The following SEPTIN11 variants were observed in gnomAD, a reference collection of about 807,000 sequenced individuals.
SEPTIN11 encodes septin-11.
SEPTIN11 carries 25 observed loss-of-function variants against 51.4 expected under a neutral mutation model. That is an observed-to-expected ratio of 0.49 (90% confidence interval 0.35 to 0.68). The LOEUF (loss-of-function observed/expected upper bound fraction) is 0.68. Among genes scored for constraint, SEPTIN11 ranks in the 30% least tolerant of loss-of-function variants. The pLI, the probability that SEPTIN11 is intolerant of heterozygous loss-of-function variation, is 0.00. For synonymous variants in SEPTIN11, 174 were observed against 184.1 expected (o/e 0.95, Z 0.44); for missense variants, 381 against 520.8 (o/e 0.73, Z 2.61).
intron 1 of SEPTIN11, among the ~76,000 whole-genome samples, chr4:76,954,849 T>G (rs1198722134): frequency 6.6e-6 from 1 of 152,106 alleles, no homozygotes; most frequent in Admixed American, 6.6e-5. Flanking sequence ...GGATGGAGTG[T>G]GAAACATTGA....
chr4:77,038,180 A>G lies in SEPTIN11; in HGVS notation c.*3668A>G, dbSNP rs1394780083. 48 of 985,766 alleles carry G rather than the reference A, an allele frequency of 4.9e-5. No individual in the cohort carries two copies. Among genetic ancestry groups the G allele is most frequent in the Non-Finnish European group, 5.8e-5 (48 of 829,914 alleles). The allele number at this position is 985,766 out of a possible 1,614,324, so 61.1% of individuals were successfully genotyped here. A position where few individuals can be genotyped will look rare whatever the true frequency, so the allele number is the denominator to read the frequency against. The stretch of plus-strand genomic sequence containing the variant: ...CATTCTTTAGTGGGAATTAAGACCT[A>G]CAAAGTCTAGTTTGTATGTAGGTAT... On this transcript the variant is annotated 3_prime_UTR_variant, in exon 10 of 10. Transcript: ENST00000264893.
chr4:77,024,296 CCAGA>C lies in SEPTIN11; in HGVS notation c.953+3629_953+3632del, dbSNP rs556443812. Among the ~76,000 whole-genome samples the C allele has an allele frequency of 2.4e-3, 358 of 152,190 alleles. No individual in the cohort carries two copies. Among genetic ancestry groups the C allele is most frequent in the African/African-American group, 8.4e-3 (348 of 41,502 alleles). On this transcript the variant is annotated intron_variant, in intron 7 of 9. Transcript: ENST00000264893. This position sits in a 1 kb window ranked among gnomAD's most constrained non-coding sequence, Gnocchi z 4.2. ...GTCTTGTGGCAGAATATGTATATAA[CCAGA>C]CATTCATCTGCTCTTTCCCAAGCCC...
chr4:77,028,820 A>C, intron 8 of SEPTIN11, 59 bp downstream of exon 8: 1 of 1,551,276 alleles, frequency 6.4e-7, no homozygotes, highest in African/African-American at 1.4e-5. Flanking sequence ...TTCTAAATAC[A>C]TCACGCTTTA....
At chr4:77,000,384 G>A (rs948696971) in intron 2 of SEPTIN11, among the ~76,000 whole-genome samples, 9 of 152,170 alleles carry the variant, frequency 5.9e-5, no homozygotes, top group East Asian at 1.9e-4. Context: ...AGGGTAAAAC[G>A]AATGAAGATA....
Position 77,036,430 on chromosome 4 carries a change from TTG to T in SEPTIN11, c.*1923_*1924del. ...GTTGTATGCTTGTTCCAACCACCGCTTGTGTGAGCATTTTTGTGGCTTGTACA... is the reference window on the plus strand; with the variant it reads ...GTTGTATGCTTGTTCCAACCACCGCTTGTGAGCATTTTTGTGGCTTGTACA... On this transcript the variant is annotated 3_prime_UTR_variant, in exon 10 of 10. Transcript: ENST00000264893. 5.1e-6 allele frequency: 6 copies of T among 1,176,594 alleles called. No homozygotes were observed. The highest frequency in any genetic ancestry group is 5.3e-6 in the Non-Finnish European group (5 of 946,572). The allele number at this position is 1,176,594 out of a possible 1,614,324, so 72.9% of individuals were successfully genotyped here. A position where few individuals can be genotyped will look rare whatever the true frequency, so the allele number is the denominator to read the frequency against.
intron 4 of SEPTIN11, among the ~76,000 whole-genome samples, chr4:77,013,278 A>G (rs962179661): frequency 6.6e-6 from 1 of 152,238 alleles, no homozygotes; most frequent in African/African-American, 2.4e-5. Flanking sequence ...AAGAAGTGAT[A>G]TTGTTGGAGA....
Position 76,949,786 on chromosome 4 carries a change from C to T in SEPTIN11, c.-118C>T, listed in dbSNP as rs542044092. 2.3e-3 allele frequency: 2,601 copies of T among 1,133,224 alleles called. 3 individuals carry two copies. Among genetic ancestry groups the T allele is most frequent in the South Asian group, 3.0e-3 (200 of 67,708 alleles). The allele number at this position is 1,133,224 out of a possible 1,614,324, so 70.2% of individuals were successfully genotyped here. ...CCGCTGGCTGCCAGCGGGACGCCGG[C>T]GAGCAGAGCGCAGCCGCGAGGGAGG... On this transcript the variant is annotated 5_prime_UTR_variant, in exon 1 of 10. Coordinates refer to ENST00000264893, the MANE Select transcript of SEPTIN11 (RefSeq NM_018243.4).
At chr4:76,977,882 T>G (rs1722575638) in intron 1 of SEPTIN11, among the ~76,000 whole-genome samples, 1 of 152,210 alleles carries the variant, frequency 6.6e-6, no homozygotes, top group African/African-American at 2.4e-5. Context: ...TATGTGTGTT[T>G]GCTCCTCAGT....
chr4:76,963,721 A>G (rs904574807), intron 1 of SEPTIN11, among the ~76,000 whole-genome samples: 1 of 152,232 alleles, frequency 6.6e-6, no homozygotes, highest in Non-Finnish European at 1.5e-5. Context: ...TGGCTACCAT[A>G]CTGTATAGTG....
rs533676494 is a variant in SEPTIN11, at chr4:77,018,239, A to G, written c.688-926A>G. Among the ~76,000 whole-genome samples the G allele has an allele frequency of 2.1e-4, 32 of 152,180 alleles. No individual in the cohort carries two copies. In the South Asian group the frequency reaches 3.1e-3, roughly 15 times the overall value. ...GCCAAGGCGGGCGGATCACAAGGTC[A>G]GGAGATCGAGACCATCCTGGCTAAC... On this transcript the variant is annotated intron_variant, in intron 5 of 9. Transcript: ENST00000264893.
In SEPTIN11 at chr4:76,958,143, G is replaced by A. The variant is rs112201402; in HGVS notation, c.27+8213G>A. ...TTGGATAAGACGTATTGTCTAAGACGTGTGCCTACCTGGCTGTTGCTGTGT... is the reference window on the plus strand; with the variant it reads ...TTGGATAAGACGTATTGTCTAAGACATGTGCCTACCTGGCTGTTGCTGTGT... On this transcript the variant is annotated intron_variant, in intron 1 of 9. Coordinates refer to ENST00000264893, the MANE Select transcript of SEPTIN11 (RefSeq NM_018243.4). 1.3e-3 allele frequency among the ~76,000 whole-genome samples: 204 copies of A among 152,324 alleles called. 2 individuals carry two copies. The highest frequency in any genetic ancestry group is 2.5e-4 in the Non-Finnish European group (17 of 68,042).
At chr4:76,996,031 T>C in intron 1 of SEPTIN11, 1 of 1,187,108 alleles carries the variant, frequency 8.4e-7, no homozygotes, top group South Asian at 1.4e-5. Flanking sequence ...GTGTTAAATA[T>C]TTTTTCACTA....
At chr4:77,032,770 G>A (rs532273381) in intron 9 of SEPTIN11, among the ~76,000 whole-genome samples, 40 of 152,298 alleles carry the variant, frequency 2.6e-4, no homozygotes, top group African/African-American at 7.9e-4. Context: ...TATACTAGAC[G>A]TGCCTTTAAG....
intron 8 of SEPTIN11, among the ~76,000 whole-genome samples, chr4:77,029,704 A>G (rs1272873074): frequency 5.9e-5 from 9 of 151,520 alleles, no homozygotes; most frequent in Non-Finnish European, 1.5e-5. Context: ...TCCTTCCCTC[A>G]AGGGCCAGAA....
chr4:76,983,576 A>C (rs1251730919), intron 1 of SEPTIN11, among the ~76,000 whole-genome samples: 1 of 152,230 alleles, frequency 6.6e-6, no homozygotes, highest in Non-Finnish European at 1.5e-5. Flanking sequence ...ACTGCTAATA[A>C]ATGGATGTTG....
intron 1 of SEPTIN11, among the ~76,000 whole-genome samples, chr4:76,950,369 G>A (rs1388556080): frequency 6.6e-6 from 1 of 152,220 alleles, no homozygotes. Flanking sequence ...GTGTGGCACT[G>A]CTGTAGAAGC....
chr4:76,997,015 G>A (rs945331001), intron 2 of SEPTIN11, among the ~76,000 whole-genome samples: 1 of 147,198 alleles, frequency 6.8e-6, no homozygotes, highest in African/African-American at 2.5e-5. Context: ...GAGTAGCTGG[G>A]ATTACAGTAG....
intron 1 of SEPTIN11, among the ~76,000 whole-genome samples, chr4:76,961,842 C>T: frequency 6.6e-6 from 1 of 152,326 alleles, no homozygotes; most frequent in East Asian, 1.9e-4. Context: ...TAGAGCTGCA[C>T]ATGCATTTCT....
At chr4:77,030,396 G>A (rs1325887647) in intron 8 of SEPTIN11, among the ~76,000 whole-genome samples, 2 of 151,868 alleles carry the variant, frequency 1.3e-5, no homozygotes, top group East Asian at 3.9e-4. Flanking sequence ...ACACATATTT[G>A]TTTGTTTTCT....
Sources: allele counts gnomAD v4.1 joint callset (sites outside exome capture counted in the v4.1 genomes callset), GRCh38; gene constraint gnomAD v4.1.1; non-coding constraint Gnocchi (gnomAD v3.1); transcripts MANE v1.5; gene names NCBI Gene and HGNC (gene_info 2026-07-23, HGNC 2026-07-21).